Variants in SPMAP2L observed in about 807,000 individuals in gnomAD.
SPMAP2L encodes sperm microtubule associated protein 2 like, also known as sperm microtubule associated protein 2-like.
At chr4:56,559,836 G>A in the SPMAP2L span, among the ~76,000 whole-genome samples, 1 of 152,126 alleles carries the variant, frequency 6.6e-6, no homozygotes, top group Non-Finnish European at 1.5e-5. Flanking sequence ...CAAAGTGCTG[G>A]GATTACAGGC....
At chr4:56,611,351 T>C in the SPMAP2L span, among the ~76,000 whole-genome samples, 3 of 152,190 alleles carry the variant, frequency 2.0e-5, no homozygotes, top group Admixed American at 6.5e-5. Context: ...GGAGTGTATG[T>C]TCTCATAGGT....
chr4:56,581,432 G>A, the SPMAP2L span, among the ~76,000 whole-genome samples: 2 of 151,836 alleles, frequency 1.3e-5, no homozygotes, highest in African/African-American at 2.4e-5. Flanking sequence ...TCCAGCCTGG[G>A]CAACAATAGT....
chr4:56,532,710 A>AGTTT, the SPMAP2L span, among the ~76,000 whole-genome samples: 1 of 152,042 alleles, frequency 6.6e-6, no homozygotes, highest in East Asian at 1.9e-4. Context: ...ACTCTCCCAA[A>AGTTT]ACTGCTCTAG....
At chr4:56,595,760 C>T in the SPMAP2L span, 9 of 828,646 alleles carry the variant, frequency 1.1e-5, no homozygotes, top group Non-Finnish European at 1.7e-5. Flanking sequence ...TTTGGTGCCT[C>T]TCCCCAGAGC....
At chr4:56,586,204 C>T in the SPMAP2L span, among the ~76,000 whole-genome samples, 1 of 152,142 alleles carries the variant, frequency 6.6e-6, no homozygotes, top group Non-Finnish European at 1.5e-5. Flanking sequence ...CTAAAACCAT[C>T]GTCTGGGTAA....
the SPMAP2L span, among the ~76,000 whole-genome samples, chr4:56,603,033 A>G: frequency 1.3e-5 from 2 of 152,190 alleles, no homozygotes; most frequent in East Asian, 1.9e-4. Context: ...TTGTCTGTAA[A>G]TTCATTCATT....
At chr4:56,601,994 G>A in the SPMAP2L span, among the ~76,000 whole-genome samples, 35 of 152,172 alleles carry the variant, frequency 2.3e-4, no homozygotes, top group Non-Finnish European at 1.5e-5. Context: ...TTGCCTTTGG[G>A]GGCCTAGGGA....
At chr4:56,618,423 A>T in the SPMAP2L span, among the ~76,000 whole-genome samples, 1 of 152,230 alleles carries the variant, frequency 6.6e-6, no homozygotes, top group Non-Finnish European at 1.5e-5. Context: ...CCAAGACTGA[A>T]TAATTTATGA....
the SPMAP2L span, among the ~76,000 whole-genome samples, chr4:56,532,315 C>T: frequency 6.6e-6 from 1 of 152,060 alleles, no homozygotes; most frequent in South Asian, 2.1e-4. Context: ...ATTGCTTTAC[C>T]CGCATCTGTA....
At chr4:56,533,132 C>T in the SPMAP2L span, among the ~76,000 whole-genome samples, 4 of 152,252 alleles carry the variant, frequency 2.6e-5, no homozygotes, top group Non-Finnish European at 4.4e-5. Flanking sequence ...CTTGTTAAAT[C>T]GAACCCTTGC....
chr4:56,545,234 A>G, the SPMAP2L span, among the ~76,000 whole-genome samples: 1 of 152,158 alleles, frequency 6.6e-6, no homozygotes, highest in Non-Finnish European at 1.5e-5. Context: ...AGGCTTTATT[A>G]TCTATGCTTC....
chr4:56,571,527 G>T, the SPMAP2L span, among the ~76,000 whole-genome samples: 3 of 151,938 alleles, frequency 2.0e-5, no homozygotes, highest in African/African-American at 7.3e-5. Flanking sequence ...ACGTTGCCCA[G>T]GCTGGTCTCA....
At chr4:56,531,099 C>A in the SPMAP2L span, 5 of 1,535,548 alleles carry the variant, frequency 3.3e-6, no homozygotes, top group Admixed American at 2.0e-5. Context: ...TGCTTCCCAG[C>A]GCCGCAGTAA....
the SPMAP2L span, among the ~76,000 whole-genome samples, chr4:56,620,709 A>G: frequency 6.6e-6 from 1 of 152,368 alleles, no homozygotes; most frequent in Non-Finnish European, 1.5e-5. Context: ...TTTAAGGTGC[A>G]TGCAATTCAG....
At chr4:56,560,681 G>A in the SPMAP2L span, among the ~76,000 whole-genome samples, 2,191 of 152,254 alleles carry the variant, frequency 0.014, 63 homozygotes, top group African/African-American at 0.05. Flanking sequence ...TTCTGCCTTA[G>A]CCTTCCAAAG....
chr4:56,535,493 C>T, the SPMAP2L span, among the ~76,000 whole-genome samples: 1 of 152,106 alleles, frequency 6.6e-6, no homozygotes, highest in Admixed American at 6.5e-5. Context: ...TGACGTACCC[C>T]CTGCTTGCTC....
the SPMAP2L span, among the ~76,000 whole-genome samples, chr4:56,600,444 C>A: frequency 7.2e-4 from 110 of 152,168 alleles, 1 homozygote; most frequent in African/African-American, 2.2e-3. Context: ...CAGGCACGGG[C>A]CACCAAGCCC....
At chr4:56,542,333 T>G in the SPMAP2L span, among the ~76,000 whole-genome samples, 6 of 152,322 alleles carry the variant, frequency 3.9e-5, 1 homozygote, top group South Asian at 1.2e-3. Flanking sequence ...AAAATTCTAT[T>G]TAAGCAAAGC....
chr4:56,538,444 C>A, the SPMAP2L span, among the ~76,000 whole-genome samples: 2 of 152,092 alleles, frequency 1.3e-5, no homozygotes, highest in Non-Finnish European at 2.9e-5. Flanking sequence ...TCCATGCTAC[C>A]TAAAGCAGCC....
Sources: gnomAD v4.1 joint callset for allele counts (sites outside exome capture counted in the v4.1 genomes callset) on GRCh38, gnomAD v4.1.1 for gene constraint, MANE v1.5 for transcripts, NCBI Gene and HGNC (gene_info 2026-07-23, HGNC 2026-07-21) for gene names.